Variants in DDX5 observed in about 807,000 individuals in gnomAD.
The protein encoded by DDX5 is DEAD-box helicase 5, also known as probable ATP-dependent RNA helicase DDX5.
DDX5 carries 6 observed loss-of-function variants against 68.6 expected under a neutral mutation model. The ratio of observed to expected loss-of-function variants is 0.09; its 90% CI spans 0.05 to 0.17. DDX5 has a LOEUF of 0.17. Among genes scored for constraint, DDX5 ranks in the 10% least tolerant of loss-of-function variants. The probability of loss-of-function intolerance (pLI) is 1.00; values close to 1 mark genes in which losing one functional copy is unlikely to be tolerated. For missense variants in DDX5, 499 were observed against 756.1 expected (o/e 0.66, Z 3.99); for synonymous variants, 350 against 247.0 (o/e 1.42, Z -3.91).
chr17:64,506,020 A>AT, intron 1 of DDX5, 56 bp downstream of exon 1: 3 of 868,076 alleles, frequency 3.5e-6, no homozygotes, highest in Non-Finnish European at 3.4e-6. Flanking sequence ...CGCCACCCTG[A>AT]CCCGCCCTCC....
chr17:64,504,332 TATAAC>T lies in DDX5; in HGVS notation c.211-19_211-15del, dbSNP rs782430197. The T allele has an allele frequency of 5.0e-6, 8 of 1,606,220 alleles. No individual in the cohort carries two copies. The highest frequency in any genetic ancestry group is 3.3e-4 in the Middle Eastern group (2 of 6,078). ...TTCCACCTCTTGCTGCAAAACAAATTATAACAGTCTTAAAATTCATGACAACCACC... is the reference window on the plus strand; with the variant it reads ...TTCCACCTCTTGCTGCAAAACAAATTAGTCTTAAAATTCATGACAACCACC... On this transcript the variant is annotated splice_polypyrimidine_tract_variant and intron_variant, in intron 2 of 12. Transcript: ENST00000225792.
chr17:64,503,583 G>C lies in DDX5; in HGVS notation c.508-12C>G, dbSNP rs9896462. 0.033 allele frequency: 53,633 copies of C among 1,612,680 alleles called. 1,758 individuals carry two copies. Among genetic ancestry groups the C allele is most frequent in the African/African-American group, 0.16 (12,104 of 74,884 alleles). On this transcript the variant is annotated splice_polypyrimidine_tract_variant and intron_variant, in intron 5 of 12. Coordinates refer to ENST00000225792, the MANE Select transcript of DDX5 (RefSeq NM_004396.5). ...GCCAGCACCAAACACTAAGGAAAGA[G>C]AAACAGCTTTCAGCACAAACCTGGA...
At chr17:64,505,936 G>A (rs2038487571) in intron 1 of DDX5, 140 bp downstream of exon 1, 4 of 1,534,726 alleles carry the variant, frequency 2.6e-6, no homozygotes, top group Middle Eastern at 1.7e-4. Context: ...TATCAAAATG[G>A]CGCAAGCCTT....
intron 12 of DDX5, 25 bp downstream of exon 12, chr17:64,500,524 A>G: frequency 1.2e-6 from 2 of 1,600,860 alleles, no homozygotes; most frequent in Non-Finnish European, 8.5e-7. Flanking sequence ...CGTAACTACC[A>G]ACATTTCCTA....
intron 5 of DDX5, 73 bp downstream of exon 5, chr17:64,503,730 A>C: frequency 6.4e-7 from 1 of 1,556,120 alleles, no homozygotes; most frequent in South Asian, 1.2e-5. Context: ...ACCACAAATG[A>C]TTACATCTTT....
In DDX5 at chr17:64,504,039, G is replaced by C; in HGVS notation, c.385C>G (p.Leu129Val). The C allele has an allele frequency of 2.5e-6, 4 of 1,614,168 alleles. No individual in the cohort carries two copies. The highest frequency in any genetic ancestry group is 3.4e-6 in the Non-Finnish European group (4 of 1,180,028). The change falls in exon 4 of 13, where the codon CTA becomes GTA. Residue 129 changes from leucine to valine, a missense_variant. This residue lies in a region of DDX5 where 141 missense variants were observed against 279.8 expected (regional missense o/e 0.50). Coordinates refer to ENST00000225792, the MANE Select transcript of DDX5 (RefSeq NM_004396.5). ...ACTCCAACCATATCCAATCCACTTA[G>C]AGCAACTGGCCATCCCTGAGCTTGA... ...AIQAQGWPVA[L>V]SGLDMVGVAQ... is the part of the protein sequence containing the mutation.
In DDX5 at chr17:64,504,849, T is replaced by C; in HGVS notation, c.45-7A>G. 2 of 1,587,360 alleles carry C rather than the reference T, an allele frequency of 1.3e-6. No homozygotes were observed. Among genetic ancestry groups the C allele is most frequent in the Non-Finnish European group, 1.7e-6 (2 of 1,172,692 alleles). ...AAATCGAGGTGCACCAAACCTGGAA[T>C]GAAAAAAAACGTTATTCACATTTTC... On this transcript the variant is annotated splice_polypyrimidine_tract_variant and splice_region_variant and intron_variant, in intron 1 of 12. Coordinates refer to ENST00000225792, the MANE Select transcript of DDX5 (RefSeq NM_004396.5).
intron 4 of DDX5, 23 bp from the exon 5 acceptor site, chr17:64,503,891 C>G: frequency 3.1e-6 from 5 of 1,613,912 alleles, no homozygotes; most frequent in Non-Finnish European, 4.2e-6. Context: ...AAAGTGGGGA[C>G]AAACAGAAAT....
intron 8 of DDX5, 65 bp from the exon 9 acceptor site, chr17:64,502,614 TTA>T (rs2038326619): frequency 1.1e-5 from 13 of 1,164,402 alleles, no homozygotes; most frequent in Middle Eastern, 2.0e-4. Context: ...GGCCACACAT[TTA>T]TGGTCAGCAA....
intron 2 of DDX5, 142 bp downstream of exon 2, chr17:64,504,535 G>A (rs1196277653): frequency 7.2e-6 from 8 of 1,105,860 alleles, no homozygotes; most frequent in Non-Finnish European, 1.0e-5. Context: ...ATATCCAAAA[G>A]TGAGTCACAC....
At chr17:64,503,765 A>G (rs371424137) in intron 5 of DDX5, 38 bp downstream of exon 5, 287 of 1,592,938 alleles carry the variant, frequency 1.8e-4, no homozygotes, top group Middle Eastern at 6.7e-4. Context: ...AAATCTACAC[A>G]TTATGCTTCT....
intron 11 of DDX5, 186 bp from the exon 12 acceptor site, chr17:64,500,959 C>T: frequency 1.7e-6 from 1 of 601,554 alleles, no homozygotes; most frequent in Non-Finnish European, 2.9e-6. Flanking sequence ...AAAAAAAGCA[C>T]ATGTCATCTG....
chr17:64,502,958 C>T lies in DDX5; in HGVS notation c.951G>A (p.Val317=), dbSNP rs540707533. The part of the protein sequence containing the change: ...LSANHNILQI[V]DVCHDVEKDE... ...CCTTTTCTACGTCATGACACACATC[C>T]ACAATCTGAAGAATGTTGTGGTTTG... is the stretch of plus-strand genomic sequence containing the variant. The change falls in exon 8 of 13, where the codon GTG becomes GTA. Residue 317 remains valine (V), a synonymous_variant. Transcript: ENST00000225792. The T allele has an allele frequency of 1.9e-6, 3 of 1,608,216 alleles. No individual in the cohort carries two copies. Among genetic ancestry groups the T allele is most frequent in the Admixed American group, 1.7e-5 (1 of 59,044 alleles).
At chr17:64,504,615 A>C in intron 2 of DDX5, 62 bp downstream of exon 2, 2 of 1,525,074 alleles carry the variant, frequency 1.3e-6, no homozygotes, top group Non-Finnish European at 1.8e-6. Flanking sequence ...ACCTGTCAGA[A>C]TTTCATTTAC....
rs889951412 is a variant in DDX5, at chr17:64,499,821, A to G, written c.*102T>C. 8.6e-7 allele frequency: 1 copy of G among 1,164,646 alleles called. No homozygotes were observed. 72.1% of individuals were successfully genotyped at this position (1,164,646 alleles called of 1,614,324 possible). On this transcript the variant is annotated 3_prime_UTR_variant, in exon 13 of 13. Transcript: ENST00000225792. ...CCATAATTACTGCTGCACTGCAGTC[A>G]TTTCTGCAATTCCCATGTTTCTTAA...
At chr17:64,503,675 A>G (rs1423699813) in intron 5 of DDX5, 104 bp from the exon 6 acceptor site, 23 of 1,547,236 alleles carry the variant, frequency 1.5e-5, no homozygotes, top group Non-Finnish European at 2.0e-5. Context: ...CCAATACCCA[A>G]AACAGCTCCA....
At position 64,499,844 on chromosome 17, in the gene DDX5, T is replaced by C; in HGVS notation, c.*79A>G. On this transcript the variant is annotated 3_prime_UTR_variant, in exon 13 of 13. Transcript: ENST00000225792. ...TCATTTCTGCAATTCCCATGTTTCT[T>C]AAATAACTATCTTGTCAGATAACAC... is the stretch of plus-strand genomic sequence containing the variant. 7.4e-7 allele frequency: 1 copy of C among 1,352,062 alleles called. No individual in the cohort carries two copies. Among genetic ancestry groups the C allele is most frequent in the Non-Finnish European group, 9.9e-7 (1 of 1,014,958 alleles). 83.8% of individuals were successfully genotyped at this position (1,352,062 alleles called of 1,614,324 possible).
At chr17:64,505,954 G>C in intron 1 of DDX5, 122 bp downstream of exon 1, 1 of 1,537,288 alleles carries the variant, frequency 6.5e-7, no homozygotes, top group African/African-American at 1.4e-5. Flanking sequence ...CTTCGGGAAA[G>C]GAAGTCCCAA....
chr17:64,506,395 G>C (rs961032836), upstream of DDX5: 1 of 1,400,884 alleles, frequency 7.1e-7, no homozygotes, highest in Non-Finnish European at 9.3e-7. Context: ...CTCGCGCATA[G>C]GCCGCAACGC....
Sources: gnomAD v4.1 joint callset for allele counts on GRCh38, gnomAD v4.1.1 for gene constraint, gnomAD v4.1.1 regional missense constraint, MANE v1.5 for transcripts, NCBI Gene and HGNC (gene_info 2026-07-23, HGNC 2026-07-21) for gene names.